NFAT5: variants seen among roughly 807,000 people sequenced by gnomAD.
NFAT5 encodes the protein nuclear factor of activated T cells 5.
A neutral mutation model predicts 166.5 loss-of-function variants in NFAT5; 31 were observed. The observed-to-expected ratio is 0.19, with a 90% CI of 0.14 to 0.25. The LOEUF (loss-of-function observed/expected upper bound fraction) is 0.25. Among genes scored for constraint, NFAT5 ranks in the 10% least tolerant of loss-of-function variants. The pLI is 1.00. For synonymous variants in NFAT5, 612 were observed against 639.7 expected (o/e 0.96, Z 0.65); for missense variants, 1,449 against 1,821.8 (o/e 0.80, Z 3.72).
chr16:69,619,378 C>G (rs1333029657), intron 2 of NFAT5, among the ~76,000 whole-genome samples: 1 of 152,150 alleles, frequency 6.6e-6, no homozygotes, highest in Non-Finnish European at 1.5e-5. Flanking sequence ...GTAAAAAGAA[C>G]ACCTGTGAAC....
intron 2 of NFAT5, among the ~76,000 whole-genome samples, chr16:69,596,872 T>A (rs1323346755): frequency 6.6e-6 from 1 of 151,884 alleles, no homozygotes; most frequent in Non-Finnish European, 1.5e-5. Flanking sequence ...AGTTTGAGAG[T>A]CAGACTAGTA....
intron 2 of NFAT5, among the ~76,000 whole-genome samples, chr16:69,606,271 GA>G (rs1178236486): frequency 5.3e-5 from 8 of 152,100 alleles, no homozygotes; most frequent in Non-Finnish European, 1.0e-4. Context: ...AGAGACTGAA[GA>G]ACTCAAGTGC....
chr16:69,683,206 C>T (rs978827654), intron 10 of NFAT5, among the ~76,000 whole-genome samples: 5 of 151,656 alleles, frequency 3.3e-5, no homozygotes, highest in African/African-American at 4.8e-5. Flanking sequence ...AGCGAAACTC[C>T]GTCTCAAAAG....
At chr16:69,577,799 T>C (rs1250464907) in intron 2 of NFAT5, among the ~76,000 whole-genome samples, 2 of 152,182 alleles carry the variant, frequency 1.3e-5, no homozygotes, top group African/African-American at 4.8e-5. Flanking sequence ...ACACGGGTTA[T>C]ATATATTCTG....
intron 9 of NFAT5, among the ~76,000 whole-genome samples, chr16:69,672,271 C>A (rs542847695): frequency 6.6e-6 from 1 of 152,328 alleles, no homozygotes; most frequent in African/African-American, 2.4e-5. Flanking sequence ...TGGGCAATAT[C>A]TCCTAGGGTT....
At position 69,692,433 on chromosome 16, in the gene NFAT5, A is replaced by G; in HGVS notation, c.2608A>G (p.Thr870Ala). 6.2e-7 allele frequency: 1 copy of G among 1,614,240 alleles called. No homozygotes were observed. The highest frequency in any genetic ancestry group is 8.5e-7 in the Non-Finnish European group (1 of 1,180,046). ...TGGAATGTTTTCCTCAACAGAGCCA[A>G]CAGTCCATACCAGACCAGATAATTT... ...SPGMFSSTEP[T>A]VHTRPDNLLP... The change falls in exon 13 of 15, where the codon ACA (threonine) becomes GCA (alanine). Residue 870 changes from threonine (T) to alanine (A), a missense_variant. This residue lies in a region of NFAT5 where 891 missense variants were observed against 993.0 expected (regional missense o/e 0.90). Transcript: ENST00000349945.
At chr16:69,644,894 C>G (rs1198616255) in intron 3 of NFAT5, 3 of 449,690 alleles carry the variant, frequency 6.7e-6, no homozygotes, top group Non-Finnish European at 1.3e-5. Context: ...AATATAAGTT[C>G]ACAGCATTCA....
chr16:69,628,934 C>T (rs868189734), intron 3 of NFAT5, among the ~76,000 whole-genome samples: 3 of 152,048 alleles, frequency 2.0e-5, no homozygotes, highest in African/African-American at 2.4e-5. Context: ...ATCAGCCGGG[C>T]GTGGTGGCGG....
intron 10 of NFAT5, among the ~76,000 whole-genome samples, chr16:69,684,635 G>A: frequency 6.6e-6 from 1 of 151,960 alleles, no homozygotes; most frequent in Admixed American, 6.6e-5. Flanking sequence ...ACCCGCCTTG[G>A]CTTCCCAAAG....
chr16:69,677,249 C>T lies in NFAT5; in HGVS notation c.1604C>T (p.Thr535Ile). 1 of 1,612,256 alleles carries T rather than the reference C, an allele frequency of 6.2e-7. No homozygotes were observed. Among genetic ancestry groups the T allele is most frequent in the Non-Finnish European group, 8.5e-7 (1 of 1,179,294 alleles). ...KVPPYHDQHI[T>I]LPVSVGIYVV... The stretch of plus-strand genomic sequence containing the variant: ...CCTCCCTATCATGACCAACATATAA[C>T]TTTGCCTGTGTCAGTGGGAATATAT... The change falls in exon 10 of 15, where the codon ACT (threonine) becomes ATT (isoleucine). Residue 535 changes from threonine (T) to isoleucine (I), a missense_variant. Around this residue, in one of 7 missense-constraint regions of NFAT5, gnomAD observed 245 missense variants for 366.6 expected, o/e 0.67. Coordinates refer to ENST00000349945, the MANE Select transcript of NFAT5 (RefSeq NM_138713.4).
chr16:69,615,299 C>T (rs1307467114), intron 2 of NFAT5, among the ~76,000 whole-genome samples: 1 of 152,210 alleles, frequency 6.6e-6, no homozygotes, highest in Non-Finnish European at 1.5e-5. Context: ...CCTTGGCCTT[C>T]CAAAGTGCTG....
At chr16:69,653,152 T>G (rs2035744407) in intron 4 of NFAT5, 84 bp from the exon 5 acceptor site, 1 of 947,346 alleles carries the variant, frequency 1.1e-6, no homozygotes, top group African/African-American at 1.8e-5. Flanking sequence ...GCCAGTTCTG[T>G]TTCTTCCTTT....
In NFAT5 at chr16:69,703,445, T is replaced by C. The variant is rs145552619; in HGVS notation, c.*7094T>C. 2.6e-5 allele frequency: 4 copies of C among 152,766 alleles called. No homozygotes were observed. The highest frequency in any genetic ancestry group is 5.9e-5 in the Non-Finnish European group (4 of 68,024). The allele number at this position is 152,766 out of a possible 1,614,324, so 9.5% of individuals were successfully genotyped here. On this transcript the variant is annotated 3_prime_UTR_variant, in exon 15 of 15. Transcript: ENST00000349945. ...TCAAGTGTATGCATCATGGTAAATA[T>C]AAACTAACCACAAGATAGGTAGATT...
intron 2 of NFAT5, among the ~76,000 whole-genome samples, chr16:69,608,408 C>A (rs2033528395): frequency 6.6e-6 from 1 of 151,952 alleles, no homozygotes; most frequent in African/African-American, 2.4e-5. Context: ...GAACCCCGGC[C>A]ATCTGGGCTT....
At position 69,692,382 on chromosome 16, in the gene NFAT5, A is replaced by T; in HGVS notation, c.2557A>T (p.Ser853Cys). ...TAGTGCAGATATTTTTCAACAAGTC[A>T]GTCAAATTCAGAGTGGTGTAAGCCC... ...QLSADIFQQVSQIQSGVSPGM... is the reference protein window; with the variant it reads ...QLSADIFQQVCQIQSGVSPGM... The change falls in exon 13 of 15, where the codon AGT becomes TGT. Residue 853 changes from serine (S) to cysteine (C), a missense_variant. Coordinates refer to ENST00000349945, the MANE Select transcript of NFAT5 (RefSeq NM_138713.4). The T allele has an allele frequency of 6.2e-7, 1 of 1,614,234 alleles. No individual in the cohort carries two copies. Among genetic ancestry groups the T allele is most frequent in the Non-Finnish European group, 8.5e-7 (1 of 1,180,036 alleles).
chr16:69,599,556 G>A (rs1204191381), intron 2 of NFAT5, among the ~76,000 whole-genome samples: 1 of 152,176 alleles, frequency 6.6e-6, no homozygotes, highest in Non-Finnish European at 1.5e-5. Context: ...GGGTGACAGA[G>A]CGAGAGTCAG....
intron 2 of NFAT5, among the ~76,000 whole-genome samples, chr16:69,590,053 A>G (rs757320930): frequency 6.6e-6 from 1 of 152,192 alleles, no homozygotes; most frequent in Non-Finnish European, 1.5e-5. Context: ...ACATGCCTGT[A>G]GTCTTAGCTA....
At chr16:69,642,790 C>T (rs1177768923) in intron 3 of NFAT5, among the ~76,000 whole-genome samples, 1 of 150,724 alleles carries the variant, frequency 6.6e-6, no homozygotes, top group Non-Finnish European at 1.5e-5. Flanking sequence ...GTACTCTAGC[C>T]TTGGCAACAG....
chr16:69,651,413 G>A (rs911280719), intron 4 of NFAT5, among the ~76,000 whole-genome samples: 2 of 152,120 alleles, frequency 1.3e-5, no homozygotes, highest in Non-Finnish European at 2.9e-5. Flanking sequence ...TGAAGATAGT[G>A]CCTTTCCTCA....
Sources: allele counts gnomAD v4.1 joint callset (sites outside exome capture counted in the v4.1 genomes callset), GRCh38; gene constraint gnomAD v4.1.1; regional missense constraint gnomAD v4.1.1; transcripts MANE v1.5; gene names NCBI Gene and HGNC (gene_info 2026-07-23, HGNC 2026-07-21).